Variants in GFOD1 observed in about 807,000 individuals in gnomAD.
GFOD1 encodes the protein Gfo/Idh/MocA-like oxidoreductase domain containing 1, also known as glucose-fructose oxidoreductase domain-containing protein 1.
Under a neutral mutation model 25.4 loss-of-function variants are expected in GFOD1, and 9 were observed. The observed-to-expected ratio is 0.35, with a 90% CI of 0.21 to 0.62. The LOEUF (loss-of-function observed/expected upper bound fraction) is 0.62. Among genes scored for constraint, GFOD1 ranks in the 20% least tolerant of loss-of-function variants. GFOD1 has a pLI of 0.72. For synonymous variants in GFOD1, 253 were observed against 245.6 expected (o/e 1.03, Z -0.28); for missense variants, 403 against 556.9 (o/e 0.72, Z 2.78).
chr6:13,413,605 AATGT>A, intron 1 of GFOD1, among the ~76,000 whole-genome samples: 1 of 152,298 alleles, frequency 6.6e-6, no homozygotes, highest in South Asian at 2.1e-4. Flanking sequence ...GGCTGAAAAG[AATGT>A]ATGAGCATTC....
At chr6:13,455,223 G>C (rs898525610) in intron 1 of GFOD1, among the ~76,000 whole-genome samples, 1 of 152,110 alleles carries the variant, frequency 6.6e-6, no homozygotes. Flanking sequence ...AGAGAGGTGC[G>C]GGGTGGGTCA....
At chr6:13,398,116 G>A (rs887710669) in intron 1 of GFOD1, among the ~76,000 whole-genome samples, 4 of 152,158 alleles carry the variant, frequency 2.6e-5, no homozygotes, top group African/African-American at 4.8e-5. Context: ...GTACTATACC[G>A]TATATTATGT....
intron 1 of GFOD1, among the ~76,000 whole-genome samples, chr6:13,476,126 A>G (rs1055294571): frequency 6.6e-6 from 1 of 152,244 alleles, no homozygotes; most frequent in Non-Finnish European, 1.5e-5. Context: ...ATGGCTCCAC[A>G]AAAGACTTAT....
intron 1 of GFOD1, among the ~76,000 whole-genome samples, chr6:13,479,891 T>C (rs1276488287): frequency 6.6e-6 from 1 of 152,220 alleles, no homozygotes; most frequent in African/African-American, 2.4e-5. Flanking sequence ...CTTTTTCACA[T>C]AGATCCAGAA....
chr6:13,412,785 C>T lies in GFOD1; in HGVS notation c.254-47123G>A, dbSNP rs114569603. 7.7e-3 allele frequency among the ~76,000 whole-genome samples: 1,166 copies of T among 152,336 alleles called. 15 individuals carry two copies. The highest frequency in any genetic ancestry group is 0.024 in the African/African-American group (1,000 of 41,570). On this transcript the variant is annotated intron_variant, in intron 1 of 1. Transcript: ENST00000379287. ...CCCTGTGCTCTGAGCACTTCCCCCGCCCTCCTTTGAAGCACAAAGGTTGTA... is the reference window on the plus strand; with the variant it reads ...CCCTGTGCTCTGAGCACTTCCCCCGTCCTCCTTTGAAGCACAAAGGTTGTA...
At chr6:13,417,579 C>A (rs866639007) in intron 1 of GFOD1, among the ~76,000 whole-genome samples, 1 of 152,204 alleles carries the variant, frequency 6.6e-6, no homozygotes, top group African/African-American at 2.4e-5. Context: ...AGTCCTAGTG[C>A]TATTTAGCAA....
Position 13,487,054 on chromosome 6 carries a change from G to C in GFOD1, c.-164C>G. 1.3e-6 allele frequency: 1 copy of C among 793,580 alleles called. No homozygotes were observed. Among genetic ancestry groups the C allele is most frequent in the East Asian group, 2.7e-5 (1 of 36,878 alleles). The allele number at this position is 793,580 out of a possible 1,614,324, so 49.2% of individuals were successfully genotyped here. On this transcript the variant is annotated 5_prime_UTR_variant, in exon 1 of 2. Coordinates refer to ENST00000379287, the MANE Select transcript of GFOD1 (RefSeq NM_018988.4). The surrounding 1 kb of genome is among the most constrained non-coding windows in gnomAD (Gnocchi z 4.9). ...GGCGCCCGGGTGCCCAGAGCGCACC[G>C]AGCTGCAGGCGGAGCAAGCTCGGGG...
At chr6:13,434,304 C>T (rs555437114) in intron 1 of GFOD1, among the ~76,000 whole-genome samples, 5 of 142,554 alleles carry the variant, frequency 3.5e-5, no homozygotes, top group Non-Finnish European at 6.2e-5. Flanking sequence ...TTTATGGGAA[C>T]ACAGAAATCA....
intron 1 of GFOD1, among the ~76,000 whole-genome samples, chr6:13,435,043 A>C (rs947591094): frequency 6.6e-5 from 10 of 152,216 alleles, no homozygotes; most frequent in Admixed American, 6.5e-4. Flanking sequence ...AGCACCTCCA[A>C]GCACATTCTG....
chr6:13,411,448 T>C (rs1786076235), intron 1 of GFOD1, among the ~76,000 whole-genome samples: 1 of 152,020 alleles, frequency 6.6e-6, no homozygotes, highest in Admixed American at 6.6e-5. Context: ...CATGCCACCA[T>C]GCCTGGCTAA....
chr6:13,457,333 A>G (rs903759701), intron 1 of GFOD1, among the ~76,000 whole-genome samples: 18 of 152,232 alleles, frequency 1.2e-4, no homozygotes, highest in African/African-American at 4.3e-4. Flanking sequence ...ACAGGCACTC[A>G]ATAAACATTT....
At chr6:13,477,081 C>G (rs775190157) in intron 1 of GFOD1, among the ~76,000 whole-genome samples, 1 of 152,128 alleles carries the variant, frequency 6.6e-6, no homozygotes. Flanking sequence ...CACCCACCAG[C>G]GGAACTAACC....
chr6:13,382,220 A>T (rs895878026), intron 1 of GFOD1, among the ~76,000 whole-genome samples: 34 of 152,228 alleles, frequency 2.2e-4, no homozygotes, highest in African/African-American at 7.2e-4. Context: ...AGCCAGTCAA[A>T]TATGATGGTG....
chr6:13,410,770 T>C (rs924309992), intron 1 of GFOD1, among the ~76,000 whole-genome samples: 21 of 151,878 alleles, frequency 1.4e-4, no homozygotes, highest in African/African-American at 4.4e-4. Context: ...CAGACCAATA[T>C]AGGTCTGACC....
chr6:13,412,829 G>A (rs781532227), intron 1 of GFOD1, among the ~76,000 whole-genome samples: 3 of 152,206 alleles, frequency 2.0e-5, no homozygotes, highest in Admixed American at 6.5e-5. Context: ...GTGTAGTGAC[G>A]GGGTGGAGAG....
intron 1 of GFOD1, among the ~76,000 whole-genome samples, chr6:13,442,513 C>A (rs1757933099): frequency 6.6e-6 from 1 of 152,216 alleles, no homozygotes; most frequent in African/African-American, 2.4e-5. Flanking sequence ...TCATCTAGGA[C>A]TTTCATAGCT....
chr6:13,415,145 G>A (rs923011357), intron 1 of GFOD1, among the ~76,000 whole-genome samples: 1 of 152,182 alleles, frequency 6.6e-6, no homozygotes, highest in Non-Finnish European at 1.5e-5. Context: ...CAGCACTCGT[G>A]CCCTGTCTGG....
rs36218477 is a variant in GFOD1 at position 13,464,861 on chromosome 6, CGTGTGT to C, written c.253+21771_253+21776del. The stretch of plus-strand genomic sequence containing the variant: ...TCCCTGCACCCTCTCTTCCTCTTTC[CGTGTGT>C]GTGTGTGTGTGTGTGTGTGTGTGTG... On this transcript the variant is annotated intron_variant, in intron 1 of 1. Transcript: ENST00000379287. 1.8e-3 allele frequency among the ~76,000 whole-genome samples: 259 copies of C among 146,868 alleles called. 3 individuals are homozygous for C. Among genetic ancestry groups the C allele is most frequent in the African/African-American group, 5.9e-3 (232 of 39,098 alleles).
At chr6:13,408,119 CAT>C in intron 1 of GFOD1, 1 of 984,826 alleles carries the variant, frequency 1.0e-6, no homozygotes, top group East Asian at 1.1e-4. Context: ...CTATCCTCCA[CAT>C]AGAGTCTTTA....
Sources: gnomAD v4.1 joint callset for allele counts (sites outside exome capture counted in the v4.1 genomes callset) on GRCh38, gnomAD v4.1.1 for gene constraint, Gnocchi (gnomAD v3.1) non-coding constraint, MANE v1.5 for transcripts, NCBI Gene and HGNC (gene_info 2026-07-23, HGNC 2026-07-21) for gene names.